SELENOI: variants seen among roughly 807,000 people sequenced by gnomAD.
The protein encoded by SELENOI is selenoprotein I, also known as ethanolaminephosphotransferase 1.
Under a neutral mutation model 50.7 loss-of-function variants are expected in SELENOI, and 24 were observed. That is an observed-to-expected ratio of 0.47 (90% confidence interval 0.34 to 0.67). The LOEUF (loss-of-function observed/expected upper bound fraction) is 0.67, where lower values mean the gene tolerates loss of function less well. Ranked by LOEUF, SELENOI falls within the 30% of genes least tolerant of loss-of-function variation. The probability of loss-of-function intolerance (pLI) is 0.01; values close to 1 mark genes in which losing one functional copy is unlikely to be tolerated. For missense variants in SELENOI, 352 were observed against 461.4 expected (o/e 0.76, Z 2.17); for synonymous variants, 155 against 170.2 (o/e 0.91, Z 0.70).
intron 1 of SELENOI, among the ~76,000 whole-genome samples, chr2:26,363,975 C>G (rs1677233876): frequency 6.6e-6 from 1 of 152,036 alleles, no homozygotes; most frequent in African/African-American, 2.4e-5. Flanking sequence ...CTCCTGACCT[C>G]AAGTAATCTG....
In SELENOI at chr2:26,373,518, T is replaced by C. The variant is rs1431799943; in HGVS notation, c.462T>C (p.Phe154=). The C allele has an allele frequency of 1.2e-6, 2 of 1,613,930 alleles. No individual in the cohort carries two copies. ...GAGGATCAACTGGTGTCAGTGTTTTTGTTCTTTATCTCCTGCTATGGGTAG... is the reference window on the plus strand; with the variant it reads ...GAGGATCAACTGGTGTCAGTGTTTTCGTTCTTTATCTCCTGCTATGGGTAG... ...FGRGSTGVSV[F]VLYLLLWVVL... The change falls in exon 5 of 10, where the codon TTT becomes TTC. Residue 154 remains phenylalanine, a synonymous_variant. Coordinates refer to ENST00000260585, the MANE Select transcript of SELENOI (RefSeq NM_033505.4).
At chr2:26,348,564 G>A (rs771113304) in intron 1 of SELENOI, among the ~76,000 whole-genome samples, 2 of 152,180 alleles carry the variant, frequency 1.3e-5, no homozygotes, top group East Asian at 1.9e-4. Flanking sequence ...TCTGTGTTAT[G>A]TATTGACACT....
At chr2:26,364,076 CCCTTT>C (rs1677236307) in intron 1 of SELENOI, among the ~76,000 whole-genome samples, 1 of 141,240 alleles carries the variant, frequency 7.1e-6, no homozygotes, top group African/African-American at 2.7e-5. Flanking sequence ...TTCTTTCTCC[CCCTTT>C]TTTTTTTTTT....
Position 26,389,193 on chromosome 2 carries a change from A to G in SELENOI, c.*90A>G. 2.0e-6 allele frequency: 2 copies of G among 1,008,070 alleles called. No homozygotes were observed. Among genetic ancestry groups the G allele is most frequent in the South Asian group, 2.9e-5 (2 of 69,364 alleles). The allele number at this position is 1,008,070 out of a possible 1,614,324, so 62.4% of individuals were successfully genotyped here. A position where few individuals can be genotyped will look rare whatever the true frequency, so the allele number is the denominator to read the frequency against. On this transcript the variant is annotated 3_prime_UTR_variant, in exon 10 of 10. Transcript: ENST00000260585. Reference sequence around the variant, plus strand: ...ATTGAACTAGACTGATCTGCTTGACAGACGTGGGATCTCAGTATGGTACTT... The same window carrying G: ...ATTGAACTAGACTGATCTGCTTGACGGACGTGGGATCTCAGTATGGTACTT...
intron 3 of SELENOI, among the ~76,000 whole-genome samples, chr2:26,365,495 G>C (rs942855746): frequency 5.3e-5 from 8 of 152,204 alleles, no homozygotes; most frequent in Non-Finnish European, 7.3e-5. Flanking sequence ...TTCACACCCA[G>C]CTTCTGCCCC....
At chr2:26,354,059 CAT>C (rs1177434445) in intron 1 of SELENOI, among the ~76,000 whole-genome samples, 2 of 152,082 alleles carry the variant, frequency 1.3e-5, no homozygotes, top group Non-Finnish European at 2.9e-5. Context: ...GCATTATCAT[CAT>C]AAATACTGAA....
At chr2:26,354,355 C>T (rs1677020309) in intron 1 of SELENOI, among the ~76,000 whole-genome samples, 2 of 152,080 alleles carry the variant, frequency 1.3e-5, no homozygotes, top group South Asian at 4.1e-4. Flanking sequence ...ATAAACTCTG[C>T]CTTGTAGGTA....
intron 1 of SELENOI, among the ~76,000 whole-genome samples, chr2:26,361,321 C>T (rs1044426541): frequency 2.6e-5 from 4 of 152,282 alleles, no homozygotes; most frequent in Admixed American, 1.3e-4. Context: ...CCCAAAGATA[C>T]CGAGGGGCGA....
Position 26,391,291 on chromosome 2 carries a change from A to G in SELENOI, c.*2188A>G, listed in dbSNP as rs1407074282. The G allele has an allele frequency of 6.6e-6, 1 of 152,188 alleles. No homozygotes were observed. The highest frequency in any genetic ancestry group is 2.4e-5 in the African/African-American group (1 of 41,456). 9.4% of individuals were successfully genotyped at this position (152,188 alleles called of 1,614,324 possible). ...AACAAGGGGAAAGTGAAATTGAGCA[A>G]TTCACTGTTTCAGGATACTTGAGGA... On this transcript the variant is annotated 3_prime_UTR_variant, in exon 10 of 10. Coordinates refer to ENST00000260585, the MANE Select transcript of SELENOI (RefSeq NM_033505.4).
chr2:26,351,244 A>G (rs1298419170), intron 1 of SELENOI, among the ~76,000 whole-genome samples: 2 of 152,002 alleles, frequency 1.3e-5, no homozygotes, highest in Non-Finnish European at 2.9e-5. Context: ...TTTTTAGTAG[A>G]GACAGGTTTC....
rs1677908114 is a variant in SELENOI at position 26,389,084 on chromosome 2, A to C, written c.1175A>C (p.Glu392Ala). 2 of 1,578,768 alleles carry C rather than the reference A, an allele frequency of 1.3e-6. No homozygotes were observed. The highest frequency in any genetic ancestry group is 2.7e-5 in the African/African-American group (2 of 74,280). The change falls in exon 10 of 10, where the codon GAA becomes GCA. Residue 392 changes from glutamate to alanine, a missense_variant. Coordinates refer to ENST00000260585, the MANE Select transcript of SELENOI (RefSeq NM_033505.4). ...KPNSDULGME[E>A]KNIGL Reference sequence around the variant, plus strand: ...AACTCAGATTGACTAGGAATGGAAGAAAAGAATATTGGCCTGTAATAATCT... The same window carrying C: ...AACTCAGATTGACTAGGAATGGAAGCAAAGAATATTGGCCTGTAATAATCT...
At chr2:26,360,144 C>T (rs528509311) in intron 1 of SELENOI, among the ~76,000 whole-genome samples, 2 of 152,306 alleles carry the variant, frequency 1.3e-5, no homozygotes, top group South Asian at 4.1e-4. Flanking sequence ...TAGTCTAGCA[C>T]CTTTAAAAGT....
chr2:26,393,721 TATATTGG>T lies in SELENOI; in HGVS notation c.*4621_*4627del, dbSNP rs897376890. 1 of 152,146 alleles carries T rather than the reference TATATTGG, an allele frequency of 6.6e-6. No homozygotes were observed. The highest frequency in any genetic ancestry group is 1.5e-5 in the Non-Finnish European group (1 of 68,028). The allele number at this position is 152,146 out of a possible 1,614,324, so 9.4% of individuals were successfully genotyped here. On this transcript the variant is annotated 3_prime_UTR_variant, in exon 10 of 10. Transcript: ENST00000260585. ...AGAGTAGTGCTGTTTTTAAAGCAAGTATATTGGATGATGGCTATAGGGTACCTTAATG... is the reference window on the plus strand; with the variant it reads ...AGAGTAGTGCTGTTTTTAAAGCAAGTATGATGGCTATAGGGTACCTTAATG...
chr2:26,368,021 C>G (rs1028122268), intron 4 of SELENOI, among the ~76,000 whole-genome samples: 3 of 152,166 alleles, frequency 2.0e-5, no homozygotes, highest in Admixed American at 6.5e-5. Flanking sequence ...TACTGTATCC[C>G]CAGTATCGTA....
intron 6 of SELENOI, 56 bp from the exon 7 acceptor site, chr2:26,383,243 G>A (rs2147961768): frequency 5.3e-6 from 7 of 1,325,530 alleles, no homozygotes; most frequent in Middle Eastern, 1.9e-4. Context: ...TGATTCAGTG[G>A]TAATGTAATA....
chr2:26,388,980 T>G, intron 9 of SELENOI, 25 bp from the exon 10 acceptor site: 1 of 1,514,284 alleles, frequency 6.6e-7, no homozygotes, highest in Non-Finnish European at 9.0e-7. Context: ...TATTTGTCAC[T>G]GTCTCATGTT....
chr2:26,361,031 G>A (rs1473860572), intron 1 of SELENOI, among the ~76,000 whole-genome samples: 2 of 152,174 alleles, frequency 1.3e-5, no homozygotes, highest in Non-Finnish European at 2.9e-5. Flanking sequence ...TGGCTAACAC[G>A]GTGAAACTCC....
In SELENOI at chr2:26,355,602, T is replaced by C. The variant is rs531911368; in HGVS notation, c.58-8700T>C. ...GACTTGCTTGTATTTGTCTCATTGC[T>C]CTAATTCTCCAGTCTCCTATTGCCA... On this transcript the variant is annotated intron_variant, in intron 1 of 9. Transcript: ENST00000260585. 2.0e-5 allele frequency among the ~76,000 whole-genome samples: 3 copies of C among 152,284 alleles called. No homozygotes were observed. In the South Asian group the frequency reaches 6.2e-4, roughly 32 times the overall value.
intron 6 of SELENOI, among the ~76,000 whole-genome samples, chr2:26,381,983 G>C (rs1050104095): frequency 6.6e-6 from 1 of 152,188 alleles, no homozygotes; most frequent in African/African-American, 2.4e-5. Context: ...ACATCCAAAT[G>C]AAGTGCCCAG....
Sources: allele counts gnomAD v4.1 joint callset (sites outside exome capture counted in the v4.1 genomes callset), GRCh38; gene constraint gnomAD v4.1.1; transcripts MANE v1.5; gene names NCBI Gene and HGNC (gene_info 2026-07-23, HGNC 2026-07-21).